Variants in PRPH2 observed in about 807,000 individuals in gnomAD.
PRPH2 encodes the protein peripherin 2, also known as peripherin-2.
In PRPH2, 17 loss-of-function variants were observed where a neutral mutation model predicts 31.3. The ratio of observed to expected loss-of-function variants is 0.54; its 90% CI spans 0.37 to 0.81. PRPH2 has a LOEUF of 0.81. Among genes scored for constraint, PRPH2 ranks in the 40% least tolerant of loss-of-function variants. The pLI is 0.00. For missense variants in PRPH2, 430 were observed against 439.7 expected (o/e 0.98, Z 0.20); for synonymous variants, 165 against 184.4 (o/e 0.89, Z 0.85).
intron 1 of PRPH2, among the ~76,000 whole-genome samples, chr6:42,716,395 A>ATTT (rs201231118): frequency 6.8e-6 from 1 of 146,726 alleles, no homozygotes; most frequent in Non-Finnish European, 1.5e-5. Flanking sequence ...CCCTATCTCT[A>ATTT]TTTTTTTTTT....
chr6:42,701,682 ATTTTTTTTTTTTT>A (rs70990127), intron 2 of PRPH2, among the ~76,000 whole-genome samples: 16 of 78,516 alleles, frequency 2.0e-4, no homozygotes, highest in African/African-American at 8.0e-4. Context: ...ACGTCCAGCA[ATTTTTTTTTTTTT>A]TTTTTTTTTT....
At chr6:42,704,810 C>T (rs1800123578) in intron 1 of PRPH2, among the ~76,000 whole-genome samples, 199 bp from the exon 2 acceptor site, 1 of 152,242 alleles carries the variant, frequency 6.6e-6, no homozygotes, top group Non-Finnish European at 1.5e-5. Flanking sequence ...CTGCCTTCCT[C>T]GACCTTGAGG....
At chr6:42,707,741 G>A (rs979290089) in intron 1 of PRPH2, among the ~76,000 whole-genome samples, 2 of 152,254 alleles carry the variant, frequency 1.3e-5, no homozygotes, top group East Asian at 1.9e-4. Context: ...TTTCTAGAAG[G>A]GCTGCATGAG....
Position 42,721,754 on chromosome 6 carries a change from T to G in PRPH2, c.581A>C (p.Asp194Ala), listed in dbSNP as rs1761904711. ...GACCCCAGGACTGGAAGCCACTCAC[T>G]CTTTGACTTCTTTGGAGGAAAAGTC... ...YLDFSSKEVK[D>A]RIKSNVDGRY... Residue 194 changes from aspartate to alanine, a missense_variant and splice_region_variant, in exon 1 of 3, where the codon GAT (aspartate) becomes GCT (alanine). Coordinates refer to ENST00000230381, the MANE Select transcript of PRPH2 (RefSeq NM_000322.5). 6.2e-7 allele frequency: 1 copy of G among 1,614,024 alleles called. No individual in the cohort carries two copies. The highest frequency in any genetic ancestry group is 8.5e-7 in the Non-Finnish European group (1 of 1,180,030).
In PRPH2 at chr6:42,715,496, C is replaced by T. The variant is rs184156775; in HGVS notation, c.581+6258G>A. ...GGCCAGCCTGACCAACATGGTGAAA[C>T]CCCGTCTCTACTAAAAATACAAAAA... On this transcript the variant is annotated intron_variant, in intron 1 of 2. Transcript: ENST00000230381. Among the ~76,000 whole-genome samples the T allele has an allele frequency of 6.6e-3, 1,009 of 152,086 alleles. 7 individuals are homozygous for T. Among genetic ancestry groups the T allele is most frequent in the African/African-American group, 0.024 (979 of 41,496 alleles).
At position 42,713,467 on chromosome 6, in the gene PRPH2, G is replaced by A. The variant is rs377380153; in HGVS notation, c.581+8287C>T. ...ATTTACCACAGGCGCCGCAGAGCCCGGAATGGTGTTTCTAGTTTCTGTGGG... is the reference window on the plus strand; with the variant it reads ...ATTTACCACAGGCGCCGCAGAGCCCAGAATGGTGTTTCTAGTTTCTGTGGG... On this transcript the variant is annotated intron_variant, in intron 1 of 2. Coordinates refer to ENST00000230381, the MANE Select transcript of PRPH2 (RefSeq NM_000322.5). Among the ~76,000 whole-genome samples, 99 of 152,248 alleles carry A rather than the reference G, an allele frequency of 6.5e-4. No individual in the cohort carries two copies. In the South Asian group the frequency reaches 0.017, roughly 26 times the overall value.
At position 42,705,584 on chromosome 6, in the gene PRPH2, AAAAAAAAAAAAAAAAATATATAT is replaced by A. The variant is rs1165281316; in HGVS notation, c.582-996_582-974del. On this transcript the variant is annotated intron_variant, in intron 1 of 2. Coordinates refer to ENST00000230381, the MANE Select transcript of PRPH2 (RefSeq NM_000322.5). ...GAACAAGACTTTCTCTAAAAAAAAA[AAAAAAAAAAAAAAAAATATATAT>A]ATATATATATATATATATATATATT... Among the ~76,000 whole-genome samples, 116 of 15,854 alleles carry A rather than the reference AAAAAAAAAAAAAAAAATATATAT, an allele frequency of 7.3e-3. 5 individuals carry two copies. The East Asian group carries it at 0.08, about 11-fold the overall frequency. 10.4% of individuals were successfully genotyped at this position (15,854 alleles called of 152,430 possible). A position where few individuals can be genotyped will look rare whatever the true frequency, so the allele number is the denominator to read the frequency against.
intron 1 of PRPH2, among the ~76,000 whole-genome samples, chr6:42,710,306 C>T (rs753202188): frequency 5.9e-5 from 9 of 152,180 alleles, no homozygotes; most frequent in African/African-American, 1.7e-4. Context: ...GACAGGGCTG[C>T]GTCTCCCTCA....
intron 2 of PRPH2, among the ~76,000 whole-genome samples, chr6:42,699,887 G>A (rs1800016588): frequency 6.6e-6 from 1 of 151,864 alleles, no homozygotes; most frequent in Non-Finnish European, 1.5e-5. Flanking sequence ...CACCACCACT[G>A]TACCTAGTGC....
chr6:42,710,012 G>GC (rs766637292), intron 1 of PRPH2, among the ~76,000 whole-genome samples: 6 of 152,164 alleles, frequency 3.9e-5, no homozygotes, highest in Non-Finnish European at 7.4e-5. Flanking sequence ...GAGGCTCTGA[G>GC]CCACCCTCAG....
At chr6:42,700,838 A>G (rs549896515) in intron 2 of PRPH2, among the ~76,000 whole-genome samples, 1 of 152,310 alleles carries the variant, frequency 6.6e-6, no homozygotes, top group South Asian at 2.1e-4. Flanking sequence ...ACCTCTGTCC[A>G]TTAAAGGCCC....
Position 42,696,867 on chromosome 6 carries a change from A to G in PRPH2, c.*1428T>C, listed in dbSNP as rs1250265842. ...TGGATCTGGTCTTCTGCTTGGGGGAATTAAGCCCAGAACATACCCCAGCAG... is the reference window on the plus strand; with the variant it reads ...TGGATCTGGTCTTCTGCTTGGGGGAGTTAAGCCCAGAACATACCCCAGCAG... On this transcript the variant is annotated 3_prime_UTR_variant, in exon 3 of 3. Transcript: ENST00000230381. The G allele has an allele frequency of 1.3e-5, 2 of 151,830 alleles. No individual in the cohort carries two copies. Among genetic ancestry groups the G allele is most frequent in the African/African-American group, 2.4e-5 (1 of 41,296 alleles). 9.4% of individuals were successfully genotyped at this position (151,830 alleles called of 1,614,324 possible).
chr6:42,711,972 C>T, intron 1 of PRPH2: 1 of 985,392 alleles, frequency 1.0e-6, no homozygotes, highest in Non-Finnish European at 1.2e-6. Flanking sequence ...TGACTGAAGA[C>T]CTCATGTCCT....
chr6:42,707,048 T>C (rs558802389), intron 1 of PRPH2, among the ~76,000 whole-genome samples: 1 of 148,880 alleles, frequency 6.7e-6, no homozygotes, highest in East Asian at 2.0e-4. Context: ...TGCAGTGGTG[T>C]GCCACCATGC....
intron 1 of PRPH2, among the ~76,000 whole-genome samples, chr6:42,710,532 T>A (rs995834411): frequency 2.0e-5 from 3 of 152,280 alleles, no homozygotes; most frequent in Admixed American, 1.3e-4. Flanking sequence ...CCTCTCACCC[T>A]CTTAAGACAA....
chr6:42,703,884 G>A (rs1018834850), intron 2 of PRPH2, among the ~76,000 whole-genome samples: 8 of 152,116 alleles, frequency 5.3e-5, no homozygotes, highest in African/African-American at 1.9e-4. Context: ...GGCAGATCAC[G>A]AGGTCAGGAG....
Position 42,712,944 on chromosome 6 carries a change from G to T in PRPH2, c.582-8333C>A, listed in dbSNP as rs549157196. Among the ~76,000 whole-genome samples the T allele has an allele frequency of 2.0e-5, 3 of 152,024 alleles. No individual in the cohort carries two copies. In the South Asian group the frequency reaches 6.2e-4, roughly 32 times the overall value. Reference sequence around the variant, plus strand: ...AAAGAGCATCAGTTGAGAACTACAGGCCTGGCACAGTGGCTCATGCCTGTA... The same window carrying T: ...AAAGAGCATCAGTTGAGAACTACAGTCCTGGCACAGTGGCTCATGCCTGTA... On this transcript the variant is annotated intron_variant, in intron 1 of 2. Coordinates refer to ENST00000230381, the MANE Select transcript of PRPH2 (RefSeq NM_000322.5).
intron 1 of PRPH2, among the ~76,000 whole-genome samples, chr6:42,716,023 G>A (rs962735614): frequency 6.6e-6 from 1 of 152,168 alleles, no homozygotes; most frequent in African/African-American, 2.4e-5. Context: ...TGCACAGAAT[G>A]GAAAGTTATT....
Position 42,698,097 on chromosome 6 carries a change from T to C in PRPH2, c.*198A>G. 1 of 688,928 alleles carries C rather than the reference T, an allele frequency of 1.5e-6. No homozygotes were observed. Among genetic ancestry groups the C allele is most frequent in the Non-Finnish European group, 2.4e-6 (1 of 416,846 alleles). 42.7% of individuals were successfully genotyped at this position (688,928 alleles called of 1,614,324 possible). A position where few individuals can be genotyped will look rare whatever the true frequency, so the allele number is the denominator to read the frequency against. ...CACATTCACATTAGCTTCATTCACA[T>C]TTTGGGTCAGTCATTCAACAACTGT... On this transcript the variant is annotated 3_prime_UTR_variant, in exon 3 of 3. Coordinates refer to ENST00000230381, the MANE Select transcript of PRPH2 (RefSeq NM_000322.5).
Sources: gnomAD v4.1 joint callset for allele counts (sites outside exome capture counted in the v4.1 genomes callset) on GRCh38, gnomAD v4.1.1 for gene constraint, MANE v1.5 for transcripts, NCBI Gene and HGNC (gene_info 2026-07-23, HGNC 2026-07-21) for gene names.